IRX4: variants seen among roughly 807,000 people sequenced by gnomAD.
IRX4 encodes the protein iroquois-class homeodomain protein IRX-4.
A neutral mutation model predicts 32.0 loss-of-function variants in IRX4; 22 were observed. That is an observed-to-expected ratio of 0.69 (90% CI 0.49 to 0.98). The LOEUF is 0.98. IRX4 is among the 50% of genes least tolerant of loss of function. IRX4 has a pLI of 0.00. For missense variants in IRX4, 840 were observed against 744.2 expected (o/e 1.13, Z -1.50); for synonymous variants, 379 against 351.7 (o/e 1.08, Z -0.87).
At chr5:1,885,528 C>T (rs2111460165), upstream of IRX4, among the ~76,000 whole-genome samples, 1 of 152,314 alleles carries the variant, frequency 6.6e-6, no homozygotes, top group East Asian at 1.9e-4. Flanking sequence ...GCCCCAGCGC[C>T]TGGGGTCCGG....
At chr5:1,881,539 C>A (rs542181686) in intron 2 of IRX4, among the ~76,000 whole-genome samples, 92 of 151,724 alleles carry the variant, frequency 6.1e-4, no homozygotes, top group African/African-American at 1.9e-3. Context: ...GCGGGAAACA[C>A]ACGCAGACCG....
At chr5:1,884,449 A>G (rs1178086176), upstream of IRX4, 2 of 152,276 alleles carry the variant, frequency 1.3e-5, no homozygotes, top group African/African-American at 4.8e-5. Context: ...ACATCATATA[A>G]TATCTGCTGC....
In IRX4 at chr5:1,877,907, GAA is replaced by G; in HGVS notation, c.*60_*61del. ...GCTAGTCTTCCTCTGGAAACTCAGTGAAAAGAGTCGGCGCCGTCCGCCTGAGC... is the reference window on the plus strand; with the variant it reads ...GCTAGTCTTCCTCTGGAAACTCAGTGAAGAGTCGGCGCCGTCCGCCTGAGC... On this transcript the variant is annotated 3_prime_UTR_variant, in exon 5 of 5. Coordinates refer to ENST00000231357, the MANE Select transcript of IRX4 (RefSeq NM_016358.3). The G allele has an allele frequency of 1.4e-6, 2 of 1,408,570 alleles. No homozygotes were observed. Among genetic ancestry groups the G allele is most frequent in the South Asian group, 1.3e-5 (1 of 78,286 alleles). 87.3% of individuals were successfully genotyped at this position (1,408,570 alleles called of 1,614,324 possible).
Position 1,881,838 on chromosome 5 carries a change from G to A in IRX4, c.267C>T (p.Tyr89=), listed in dbSNP as rs370911665. The part of the protein sequence containing the change: ...GSQGYGNYVT[Y]GSEASAFYSL... ...AGTAGAAGGCGGACGCCTCCGAGCC[G>A]TAGGTCACGTAGTTGCCATAGCCCT... The change falls in exon 2 of 5, where the codon TAC becomes TAT. Residue 89 remains tyrosine, a synonymous_variant. Transcript: ENST00000231357. 5.5e-5 allele frequency: 86 copies of A among 1,576,136 alleles called. No individual in the cohort carries two copies. The highest frequency in any genetic ancestry group is 6.9e-5 in the Non-Finnish European group (80 of 1,161,318).
chr5:1,883,146 A>C (rs1165644445), upstream of IRX4, among the ~76,000 whole-genome samples: 2 of 152,158 alleles, frequency 1.3e-5, no homozygotes, highest in Admixed American at 1.3e-4. Context: ...AATAAATTCC[A>C]TCCGAGTCAA....
At chr5:1,878,887 G>C (rs1735320530) in intron 4 of IRX4, 95 bp from the exon 5 acceptor site, 1 of 1,296,408 alleles carries the variant, frequency 7.7e-7, no homozygotes, top group Non-Finnish European at 1.1e-6. Context: ...TGTTCCCGAC[G>C]CTACGAAAAG....
chr5:1,881,779 A>G, intron 2 of IRX4, 29 bp downstream of exon 2: 1 of 1,563,740 alleles, frequency 6.4e-7, no homozygotes, highest in East Asian at 2.4e-5. Context: ...GGCCAGGGGC[A>G]GGGCAAGGGC....
intron 1 of IRX4, among the ~76,000 whole-genome samples, 188 bp from the exon 2 acceptor site, chr5:1,882,247 C>G (rs1735475889): frequency 6.7e-6 from 1 of 150,136 alleles, no homozygotes; most frequent in Admixed American, 6.6e-5. Flanking sequence ...CACGTGGGGC[C>G]CAGCCGAGCA....
chr5:1,886,335 G>A (rs962282707), upstream of IRX4, among the ~76,000 whole-genome samples: 1 of 152,254 alleles, frequency 6.6e-6, no homozygotes, highest in Non-Finnish European at 1.5e-5. Context: ...CGGGGCACCA[G>A]GCAAGGGCCT....
chr5:1,881,964 G>C lies in IRX4; in HGVS notation c.141C>G (p.Val47=). 1 of 1,559,122 alleles carries C rather than the reference G, an allele frequency of 6.4e-7. No homozygotes were observed. Among genetic ancestry groups the C allele is most frequent in the Non-Finnish European group, 8.7e-7 (1 of 1,152,178 alleles). ...GCCGGCTCTCGTAGACCGGGCAGTA[G>C]ACCGGCGCCTGGGCCGAGGCGGCGG... ...SGPAASAQAP[V]YCPVYESRLL... The change falls in exon 2 of 5, where the codon GTC becomes GTG. Residue 47 remains valine, a synonymous_variant. Coordinates refer to ENST00000231357, the MANE Select transcript of IRX4 (RefSeq NM_016358.3).
Position 1,877,934 on chromosome 5 carries a change from C to T in IRX4, c.*35G>A, listed in dbSNP as rs2111430011. ...AAAGAGTCGGCGCCGTCCGCCTGAG[C>T]GCGGGTTCCCTCCTGGGCTCGGGAC... On this transcript the variant is annotated 3_prime_UTR_variant, in exon 5 of 5. Transcript: ENST00000231357. 1 of 1,473,524 alleles carries T rather than the reference C, an allele frequency of 6.8e-7. No homozygotes were observed. Among genetic ancestry groups the T allele is most frequent in the South Asian group, 1.3e-5 (1 of 79,976 alleles). 91.3% of individuals were successfully genotyped at this position (1,473,524 alleles called of 1,614,324 possible). A position where few individuals can be genotyped will look rare whatever the true frequency, so the allele number is the denominator to read the frequency against.
chr5:1,879,748 G>A lies in IRX4; in HGVS notation c.492C>T (p.His164=). 1 of 1,614,238 alleles carries A rather than the reference G, an allele frequency of 6.2e-7. No homozygotes were observed. Among genetic ancestry groups the A allele is most frequent in the Non-Finnish European group, 8.5e-7 (1 of 1,180,036 alleles). ...CCTTGGTGGGGTAGGGGTTCTTGCG[G>A]TGCTCCTGCAGCCAGGCCTTGAGCG... ...TSTLKAWLQE[H]RKNPYPTKGE... Residue 164 remains histidine (H), a synonymous_variant, in exon 4 of 5, where the codon CAC becomes CAT. Transcript: ENST00000231357.
rs1735501123 is a variant in IRX4, at chr5:1,882,775, TAGTCC to T, written c.-133_-129del. The T allele has an allele frequency of 1.9e-6, 1 of 538,930 alleles. No individual in the cohort carries two copies. Among genetic ancestry groups the T allele is most frequent in the South Asian group, 4.6e-5 (1 of 21,698 alleles). The allele number at this position is 538,930 out of a possible 1,614,324, so 33.4% of individuals were successfully genotyped here. On this transcript the variant is annotated 5_prime_UTR_variant, in exon 1 of 5. It removes an upstream start codon present in the reference 5' UTR. Transcript: ENST00000231357. ...GGGAGGGCGAAGCAGGAGAGCCGGT[TAGTCC>T]ATCCCCGCGCTCCGCAAACTTTTCT...
upstream of IRX4, among the ~76,000 whole-genome samples, chr5:1,886,041 G>T (rs372728721): frequency 6.6e-6 from 1 of 152,258 alleles, no homozygotes; most frequent in South Asian, 2.1e-4. Context: ...TCCGAAGAGC[G>T]GAGGACCAGG....
In IRX4 at chr5:1,877,882, G is replaced by A. The variant is rs1175985788; in HGVS notation, c.*87C>T. ...GGGTTGGCGGCTTCGCGGTGGCCGC[G>A]CTAGTCTTCCTCTGGAAACTCAGTG... On this transcript the variant is annotated 3_prime_UTR_variant, in exon 5 of 5. Coordinates refer to ENST00000231357, the MANE Select transcript of IRX4 (RefSeq NM_016358.3). 6 of 1,258,608 alleles carry A rather than the reference G, an allele frequency of 4.8e-6. No individual in the cohort carries two copies. The highest frequency in any genetic ancestry group is 4.7e-5 in the African/African-American group (3 of 63,724). 78.0% of individuals were successfully genotyped at this position (1,258,608 alleles called of 1,614,324 possible). A position where few individuals can be genotyped will look rare whatever the true frequency, so the allele number is the denominator to read the frequency against.
At position 1,877,849 on chromosome 5, in the gene IRX4, T is replaced by C. The variant is rs1001369705; in HGVS notation, c.*120A>G. The C allele has an allele frequency of 3.2e-6, 3 of 931,800 alleles. No homozygotes were observed. Among genetic ancestry groups the C allele is most frequent in the Admixed American group, 5.6e-5 (2 of 35,750 alleles). 57.7% of individuals were successfully genotyped at this position (931,800 alleles called of 1,614,324 possible). On this transcript the variant is annotated 3_prime_UTR_variant, in exon 5 of 5. Transcript: ENST00000231357. Reference sequence around the variant, plus strand: ...CAGGAGTCCAAGTTCAGAAGCCCCCTCTCCGGTGGGTTGGCGGCTTCGCGG... The same window carrying C: ...CAGGAGTCCAAGTTCAGAAGCCCCCCCTCCGGTGGGTTGGCGGCTTCGCGG...
intron 2 of IRX4, chr5:1,881,177 A>G (rs1473183398): frequency 3.8e-6 from 1 of 263,414 alleles, no homozygotes; most frequent in Non-Finnish European, 6.9e-6. Flanking sequence ...TGGGAGAAGG[A>G]GTGGGGATTG....
upstream of IRX4, among the ~76,000 whole-genome samples, chr5:1,883,791 C>T (rs994515652): frequency 5.9e-5 from 9 of 152,248 alleles, no homozygotes; most frequent in Non-Finnish European, 1.0e-4. Context: ...GCCGGCTTCC[C>T]CCTGCCCCTC....
chr5:1,879,787 G>A lies in IRX4; in HGVS notation c.453C>T (p.Arg151=). ...DSGTRRKNAT[R]ETTSTLKAWL... is the part of the protein sequence containing the mutation. ...AGGCCTTGAGCGTGCTGGTGGTCTC[G>A]CGCGTGGCGTTCTTGCGCCGCGTGC... The change falls in exon 4 of 5, where the codon CGC becomes CGT. Residue 151 remains arginine, a synonymous_variant. Transcript: ENST00000231357. The A allele has an allele frequency of 6.2e-7, 1 of 1,614,132 alleles. No homozygotes were observed. The highest frequency in any genetic ancestry group is 8.5e-7 in the Non-Finnish European group (1 of 1,180,030).
Sources: allele counts gnomAD v4.1 joint callset (sites outside exome capture counted in the v4.1 genomes callset), GRCh38; gene constraint gnomAD v4.1.1; transcripts MANE v1.5; gene names NCBI Gene and HGNC (gene_info 2026-07-23, HGNC 2026-07-21).